The following CACNA1D variants were observed in gnomAD, a reference collection of about 807,000 sequenced individuals.
CACNA1D encodes voltage-dependent L-type calcium channel subunit alpha-1D.
Under a neutral mutation model 257.1 loss-of-function variants are expected in CACNA1D, and 55 were observed. The observed-to-expected ratio is 0.21, with a 90% CI of 0.17 to 0.27. The LOEUF (loss-of-function observed/expected upper bound fraction) is 0.27, where lower values mean the gene tolerates loss of function less well. CACNA1D is among the 10% of genes least tolerant of loss of function. CACNA1D has a pLI of 1.00. For missense variants in CACNA1D, 1,876 were observed against 2,784.0 expected (o/e 0.67, Z 7.34); for synonymous variants, 980 against 1,014.9 (o/e 0.97, Z 0.65).
In CACNA1D at chr3:53,768,958, G is replaced by T. The variant is rs562723829; in HGVS notation, c.3871-1015G>T. ...AACCGGAAGAGCCTCATTTCTCTCT[G>T]TCGGCTCCTGGTGACACCACTGAGG... On this transcript the variant is annotated intron_variant, in intron 30 of 47. Coordinates refer to ENST00000350061, the MANE Select transcript of CACNA1D (RefSeq NM_001128840.3). 3.3e-5 allele frequency among the ~76,000 whole-genome samples: 5 copies of T among 152,322 alleles called. No homozygotes were observed. In the East Asian group the frequency reaches 7.7e-4, roughly 24 times the overall value.
chr3:53,720,566 T>A (rs531113853), intron 11 of CACNA1D, among the ~76,000 whole-genome samples: 8 of 152,164 alleles, frequency 5.3e-5, no homozygotes, highest in Non-Finnish European at 8.8e-5. Flanking sequence ...GTGTCAATAA[T>A]AGAAAAACCC....
intron 2 of CACNA1D, among the ~76,000 whole-genome samples, chr3:53,498,322 A>G (rs1190917692): frequency 6.6e-6 from 1 of 152,148 alleles, no homozygotes; most frequent in African/African-American, 2.4e-5. Flanking sequence ...ATGCCCCAGA[A>G]TGGCTGTCAT....
chr3:53,803,655 A>G, intron 44 of CACNA1D, 83 bp downstream of exon 44: 1 of 1,418,414 alleles, frequency 7.1e-7, no homozygotes. Context: ...GGCCACCGGC[A>G]GCTGCACTTG....
Position 53,770,517 on chromosome 3 carries a change from C to T in CACNA1D, c.4009C>T (p.Arg1337Trp). ...VKLLSRGEGI[R>W]TLLWTFIKSF... The stretch of plus-strand genomic sequence containing the variant: ...GCTTCTCAGCAGGGGGGAAGGCATC[C>T]GGACATTGCTGTGGACTTTTATTAA... The change falls in exon 32 of 48, where the codon CGG becomes TGG. Residue 1337 changes from arginine (R) to tryptophan (W), a missense_variant. Arg to Trp is a moderately radical substitution (Grantham distance 101, BLOSUM62 -3). This residue lies in a region of CACNA1D where 204 missense variants were observed against 309.4 expected (regional missense o/e 0.66). Transcript: ENST00000350061. 6.2e-7 allele frequency: 1 copy of T among 1,613,764 alleles called. No individual in the cohort carries two copies. The highest frequency in any genetic ancestry group is 8.5e-7 in the Non-Finnish European group (1 of 1,179,668).
At chr3:53,641,555 T>C (rs1245964004) in intron 3 of CACNA1D, among the ~76,000 whole-genome samples, 1 of 152,044 alleles carries the variant, frequency 6.6e-6, no homozygotes, top group Non-Finnish European at 1.5e-5. Flanking sequence ...GGGATGGAAG[T>C]GGGCAGTGCC....
At chr3:53,580,217 A>G (rs2093108475) in intron 3 of CACNA1D, among the ~76,000 whole-genome samples, 1 of 152,192 alleles carries the variant, frequency 6.6e-6, no homozygotes, top group Non-Finnish European at 1.5e-5. Flanking sequence ...GATGTCCTAT[A>G]TGGGAGGCCC....
At chr3:53,551,956 A>G (rs913705040) in intron 3 of CACNA1D, among the ~76,000 whole-genome samples, 10 of 152,156 alleles carry the variant, frequency 6.6e-5, no homozygotes, top group Non-Finnish European at 1.5e-4. Context: ...CCCTGGGGCT[A>G]TAGTTTGAGT....
At chr3:53,516,164 G>A (rs931958647) in intron 3 of CACNA1D, among the ~76,000 whole-genome samples, 1 of 152,230 alleles carries the variant, frequency 6.6e-6, no homozygotes, top group Non-Finnish European at 1.5e-5. Context: ...TCATTTACCA[G>A]AAGGCATTAG....
chr3:53,578,441 G>C (rs578109610), intron 3 of CACNA1D, among the ~76,000 whole-genome samples: 14 of 152,168 alleles, frequency 9.2e-5, no homozygotes, highest in Admixed American at 7.2e-4. Flanking sequence ...ACAAGTAACA[G>C]TTCATTGCTC....
intron 3 of CACNA1D, among the ~76,000 whole-genome samples, chr3:53,637,893 A>T (rs563593139): frequency 1.3e-5 from 2 of 152,240 alleles, no homozygotes; most frequent in Non-Finnish European, 2.9e-5. Context: ...TAAAGCAATG[A>T]TGAATTATGT....
intron 3 of CACNA1D, among the ~76,000 whole-genome samples, chr3:53,597,075 G>C (rs1241244403): frequency 1.3e-5 from 2 of 152,166 alleles, no homozygotes; most frequent in Non-Finnish European, 2.9e-5. Flanking sequence ...TTTAATGTCT[G>C]TGTATGTCAT....
chr3:53,538,059 C>T (rs1442862973), intron 3 of CACNA1D, among the ~76,000 whole-genome samples: 2 of 148,922 alleles, frequency 1.3e-5, no homozygotes, highest in Admixed American at 6.7e-5. Flanking sequence ...TTGTAAAATG[C>T]TGGATACTCT....
intron 6 of CACNA1D, 84 bp from the exon 7 acceptor site, chr3:53,666,255 C>T (rs2094261900): frequency 7.5e-7 from 1 of 1,325,092 alleles, no homozygotes; most frequent in Non-Finnish European, 1.1e-6. Context: ...GTCCCGGGCT[C>T]TGGCAAGGGT....
At chr3:53,628,908 C>T (rs1170176646) in intron 3 of CACNA1D, among the ~76,000 whole-genome samples, 1 of 152,226 alleles carries the variant, frequency 6.6e-6, no homozygotes, top group Admixed American at 6.5e-5. Context: ...AGGAACAAGG[C>T]TAGGTAATCA....
chr3:53,551,329 C>G (rs2092530119), intron 3 of CACNA1D, among the ~76,000 whole-genome samples: 1 of 152,218 alleles, frequency 6.6e-6, no homozygotes, highest in African/African-American at 2.4e-5. Flanking sequence ...GGTTCCCCGG[C>G]TTGCCCTCCA....
At chr3:53,574,997 G>A (rs1254882636) in intron 3 of CACNA1D, among the ~76,000 whole-genome samples, 1 of 152,240 alleles carries the variant, frequency 6.6e-6, no homozygotes, top group East Asian at 1.9e-4. Flanking sequence ...TGAGACAGGG[G>A]CGCAGGCCAG....
chr3:53,713,044 C>T (rs1260713946), intron 9 of CACNA1D, among the ~76,000 whole-genome samples: 2 of 152,210 alleles, frequency 1.3e-5, no homozygotes, highest in African/African-American at 4.8e-5. Context: ...ATGCAGAGCA[C>T]TTGGACTCAG....
At chr3:53,497,005 G>A (rs761663049) in intron 1 of CACNA1D, 147 bp from the exon 2 acceptor site, 4 of 702,518 alleles carry the variant, frequency 5.7e-6, no homozygotes, top group Admixed American at 2.6e-5. Context: ...AGCCCAGCTT[G>A]TGAAAAATAG....
intron 28 of CACNA1D, 96 bp downstream of exon 28, chr3:53,752,003 G>C: frequency 7.9e-7 from 1 of 1,269,064 alleles, no homozygotes; most frequent in Non-Finnish European, 1.2e-6. Flanking sequence ...TCACAGGAGG[G>C]GTTTGATTTT....
Sources: gnomAD v4.1 joint callset for allele counts (sites outside exome capture counted in the v4.1 genomes callset) on GRCh38, gnomAD v4.1.1 for gene constraint, gnomAD v4.1.1 regional missense constraint, MANE v1.5 for transcripts, NCBI Gene and HGNC (gene_info 2026-07-23, HGNC 2026-07-21) for gene names.